The following FNBP4 variants were observed in gnomAD, a reference collection of about 807,000 sequenced individuals.
FNBP4 encodes the protein formin binding protein 4.
In FNBP4, 34 loss-of-function variants were observed where a neutral mutation model predicts 119.3. The observed-to-expected ratio is 0.28, with a 90% CI of 0.22 to 0.38. The LOEUF (loss-of-function observed/expected upper bound fraction) is 0.38, where lower values mean the gene tolerates loss of function less well. Ranked by LOEUF, FNBP4 falls within the 10% of genes least tolerant of loss-of-function variation. FNBP4 has a pLI of 1.00. For missense variants in FNBP4, 1,112 were observed against 1,228.9 expected, an observed-to-expected ratio of 0.90 and a Z score of 1.42; for synonymous variants, 462 against 430.6, an observed-to-expected ratio of 1.07 and a Z score of -0.90.
Position 47,723,032 on chromosome 11 carries a change from G to T in FNBP4, c.2749C>A (p.Pro917Thr). 6.3e-7 allele frequency: 1 copy of T among 1,575,150 alleles called. No individual in the cohort carries two copies. The highest frequency in any genetic ancestry group is 1.2e-5 in the South Asian group (1 of 86,904). ...PPPPPPPPPP[P>T]PAPKMPPPEK... The stretch of plus-strand genomic sequence containing the variant: ...GGTGGTGGCATTTTGGGAGCTGGTG[G>T]TGGTGGAGGAGGAGGAGGAGGAGGT... Residue 917 changes from proline (P) to threonine (T), a missense_variant, in exon 15 of 17, where the codon CCA becomes ACA. Transcript: ENST00000263773.
chr11:47,717,059 T>G lies in FNBP4; in HGVS notation c.*363A>C, dbSNP rs2097550753. 1 of 166,880 alleles carries G rather than the reference T, an allele frequency of 6.0e-6. No individual in the cohort carries two copies. The highest frequency in any genetic ancestry group is 2.4e-5 in the African/African-American group (1 of 41,760). The allele number at this position is 166,880 out of a possible 1,614,324, so 10.3% of individuals were successfully genotyped here. ...TAGAATGCAGAGCTGCCTTCTGAAT[T>G]GCACTTGTTCTGGAGGAGAAGTTAA... On this transcript the variant is annotated 3_prime_UTR_variant, in exon 17 of 17. Transcript: ENST00000263773.
chr11:47,727,402 A>G (rs1311982093), intron 12 of FNBP4, among the ~76,000 whole-genome samples: 4 of 151,620 alleles, frequency 2.6e-5, no homozygotes, highest in African/African-American at 9.7e-5. Context: ...GGCCCACACC[A>G]CCACATCCAG....
chr11:47,756,612 T>C lies in FNBP4; in HGVS notation c.314-1948A>G, dbSNP rs564993304. 2.6e-4 allele frequency among the ~76,000 whole-genome samples: 39 copies of C among 152,238 alleles called. No homozygotes were observed. In the South Asian group the frequency reaches 7.3e-3, roughly 28 times the overall value. On this transcript the variant is annotated intron_variant, in intron 2 of 16. Transcript: ENST00000263773. ...CACAATGGTGCAGGTTTATTACATA[T>C]GTATACATGTACTATGTTGGTGTGC...
At chr11:47,737,109 T>C (rs2135140771) in intron 8 of FNBP4, among the ~76,000 whole-genome samples, 1 of 152,184 alleles carries the variant, frequency 6.6e-6, no homozygotes, top group East Asian at 1.9e-4. Context: ...GAGATATGCT[T>C]GAACCCGAGA....
chr11:47,752,242 C>T (rs976108027), intron 4 of FNBP4, among the ~76,000 whole-genome samples: 4 of 150,452 alleles, frequency 2.7e-5, no homozygotes, highest in East Asian at 2.0e-4. Context: ...TTGCCAACAT[C>T]GTGAAACCCC....
Position 47,736,733 on chromosome 11 carries a change from A to T in FNBP4, c.1464T>A (p.Gly488=). The T allele has an allele frequency of 6.3e-7, 1 of 1,597,494 alleles. No homozygotes were observed. The highest frequency in any genetic ancestry group is 8.6e-7 in the Non-Finnish European group (1 of 1,168,536). ...CATCTATTTTTTCTGAATTTTCAGC[A>T]CCAATTGCTGTAAAAAAAACATGTA... is the stretch of plus-strand genomic sequence containing the variant. ...DTPENGETAI[G]AENSEKIDEN... is the part of the protein sequence containing the mutation. The change falls in exon 9 of 17, where the codon GGT becomes GGA. Residue 488 remains glycine (G), a synonymous_variant. Coordinates refer to ENST00000263773, the MANE Select transcript of FNBP4 (RefSeq NM_015308.5).
At position 47,719,994 on chromosome 11, in the gene FNBP4, A is replaced by T; in HGVS notation, c.2898T>A (p.Ser966Arg). 6.2e-7 allele frequency: 1 copy of T among 1,613,968 alleles called. No individual in the cohort carries two copies. Among genetic ancestry groups the T allele is most frequent in the Non-Finnish European group, 8.5e-7 (1 of 1,179,966 alleles). The part of the protein sequence containing the change: ...ELDEEDNSSS[S>R]EEDRESTAQK... ...GTGCAGTTGATTCCCGATCCTCTTC[A>T]CTGGAACTAGAATTGTCCTCTTCAT... The change falls in exon 16 of 17, where the codon AGT becomes AGA. Residue 966 changes from serine to arginine, a missense_variant. Coordinates refer to ENST00000263773, the MANE Select transcript of FNBP4 (RefSeq NM_015308.5).
intron 8 of FNBP4, among the ~76,000 whole-genome samples, chr11:47,740,493 C>G (rs1168099147): frequency 6.6e-6 from 1 of 151,570 alleles, no homozygotes. Flanking sequence ...GGTTTCTCTG[C>G]CATCACAGCC....
intron 12 of FNBP4, chr11:47,729,715 T>A: frequency 1.0e-6 from 1 of 985,384 alleles, no homozygotes; most frequent in Non-Finnish European, 1.2e-6. Flanking sequence ...GACAGGGCAT[T>A]GCTGTGTTTT....
chr11:47,766,402 T>C (rs919709168), intron 1 of FNBP4, among the ~76,000 whole-genome samples: 12 of 152,350 alleles, frequency 7.9e-5, no homozygotes, highest in South Asian at 2.1e-4. Context: ...CAGGCTATGA[T>C]AGGACCTTTA....
intron 7 of FNBP4, among the ~76,000 whole-genome samples, chr11:47,744,420 CAT>C (rs10547271): frequency 0.34 from 52,283 of 151,548 alleles, 10,421 homozygotes; most frequent in South Asian, 0.52. Context: ...ACTACAGGCA[CAT>C]GTCATCATAC....
chr11:47,764,625 T>G (rs1290777273), intron 2 of FNBP4, among the ~76,000 whole-genome samples: 1 of 151,886 alleles, frequency 6.6e-6, no homozygotes, highest in Non-Finnish European at 1.5e-5. Flanking sequence ...TGAAAAGAAA[T>G]TACTACCAAT....
intron 1 of FNBP4, among the ~76,000 whole-genome samples, chr11:47,766,545 GT>G (rs2097648089): frequency 6.6e-6 from 1 of 152,214 alleles, no homozygotes; most frequent in African/African-American, 2.4e-5. Context: ...CACCACTCCA[GT>G]GAGAACCACA....
At chr11:47,759,445 C>T (rs1421852550) in intron 2 of FNBP4, among the ~76,000 whole-genome samples, 1 of 151,906 alleles carries the variant, frequency 6.6e-6, no homozygotes, top group Non-Finnish European at 1.5e-5. Context: ...CACTCCTGAC[C>T]TCAAGTGATC....
intron 8 of FNBP4, among the ~76,000 whole-genome samples, chr11:47,743,565 T>G (rs1056412695): frequency 1.3e-5 from 2 of 152,040 alleles, no homozygotes; most frequent in Non-Finnish European, 2.9e-5. Flanking sequence ...GAAAATAGAT[T>G]AAAAAATGCA....
At chr11:47,754,851 T>A (rs1467233365) in intron 2 of FNBP4, among the ~76,000 whole-genome samples, 187 bp from the exon 3 acceptor site, 2 of 151,954 alleles carry the variant, frequency 1.3e-5, no homozygotes, top group Admixed American at 1.3e-4. Flanking sequence ...TAATAAAAAT[T>A]GATCTATAGG....
chr11:47,755,695 G>A (rs938975105), intron 2 of FNBP4, among the ~76,000 whole-genome samples: 1 of 151,330 alleles, frequency 6.6e-6, no homozygotes, highest in African/African-American at 2.4e-5. Context: ...TACGGCTGAG[G>A]TGCAAGGATA....
At chr11:47,726,230 AAAAC>A (rs759810891) in intron 12 of FNBP4, 3 of 152,152 alleles carry the variant, frequency 2.0e-5, no homozygotes, top group Non-Finnish European at 1.5e-5. Flanking sequence ...TCAACAAGGT[AAAAC>A]AAACAAAGCA....
intron 2 of FNBP4, among the ~76,000 whole-genome samples, chr11:47,761,911 T>A (rs2097635695): frequency 6.6e-6 from 1 of 151,252 alleles, no homozygotes; most frequent in Non-Finnish European, 1.5e-5. Context: ...TGATCTTGGC[T>A]CACCGCAACC....
Sources: gnomAD v4.1 joint callset for allele counts (sites outside exome capture counted in the v4.1 genomes callset) on GRCh38, gnomAD v4.1.1 for gene constraint, MANE v1.5 for transcripts, NCBI Gene and HGNC (gene_info 2026-07-23, HGNC 2026-07-21) for gene names.